The following EPYC variants were observed in gnomAD, a reference collection of about 807,000 sequenced individuals.
EPYC encodes the protein epiphycan.
Under a neutral mutation model 30.1 loss-of-function variants are expected in EPYC, and 28 were observed. That is an observed-to-expected ratio of 0.93 (90% CI 0.69 to 1.28). EPYC has a LOEUF of 1.28. Among genes scored for constraint, EPYC ranks in the 50% most tolerant of loss-of-function variants. EPYC has a pLI of 0.00. For missense variants in EPYC, 382 were observed against 383.5 expected (o/e 1.00, Z 0.03); for synonymous variants, 144 against 141.4 (o/e 1.02, Z -0.13).
At chr12:90,973,056 C>T in intron 3 of EPYC, 76 bp from the exon 4 acceptor site, 4 of 1,045,878 alleles carry the variant, frequency 3.8e-6, no homozygotes, top group Non-Finnish European at 5.5e-6. Flanking sequence ...ATGTTTGATA[C>T]ACAAGATTAG....
At position 91,004,941 on chromosome 12, in the gene EPYC, A is replaced by G. The variant is rs181651303; in HGVS notation, c.-14+6T>C. On this transcript the variant is annotated splice_donor_region_variant and intron_variant, in intron 1 of 6. Transcript: ENST00000261172. ...ACCCAAGAAGAAAGCAAGTATAAAAACTTACCTTTGGCTCTGACCTGATGA... is the reference window on the plus strand; with the variant it reads ...ACCCAAGAAGAAAGCAAGTATAAAAGCTTACCTTTGGCTCTGACCTGATGA... 6.6e-6 allele frequency: 1 copy of G among 152,176 alleles called. No individual in the cohort carries two copies. Among genetic ancestry groups the G allele is most frequent in the East Asian group, 1.9e-4 (1 of 5,158 alleles). The allele number at this position is 152,176 out of a possible 1,614,324, so 9.4% of individuals were successfully genotyped here.
intron 2 of EPYC, among the ~76,000 whole-genome samples, chr12:91,002,146 C>A (rs982673905): frequency 8.0e-6 from 1 of 125,590 alleles, no homozygotes; most frequent in Non-Finnish European, 1.6e-5. Context: ...GCCAAGACTG[C>A]GACACTGCAT....
intron 3 of EPYC, 123 bp from the exon 4 acceptor site, chr12:90,973,103 G>T: frequency 1.9e-6 from 1 of 513,656 alleles, no homozygotes; most frequent in Non-Finnish European, 3.2e-6. Flanking sequence ...ATATTTTCTC[G>T]TAATGCTTTC....
At chr12:90,994,893 T>C (rs1877663743) in intron 2 of EPYC, among the ~76,000 whole-genome samples, 1 of 152,150 alleles carries the variant, frequency 6.6e-6, no homozygotes, top group Non-Finnish European at 1.5e-5. Context: ...TTTATCTGTC[T>C]CTCAATTTGT....
chr12:90,979,137 C>A (rs1014082058), intron 2 of EPYC, among the ~76,000 whole-genome samples: 1 of 152,030 alleles, frequency 6.6e-6, no homozygotes, highest in African/African-American at 2.4e-5. Flanking sequence ...TTTCAGATTT[C>A]TTCCCTTGTC....
chr12:90,981,698 GC>G (rs1196307180), intron 2 of EPYC, among the ~76,000 whole-genome samples: 1 of 152,018 alleles, frequency 6.6e-6, no homozygotes, highest in African/African-American at 2.4e-5. Context: ...TTCAGAAACA[GC>G]AATCACACAT....
intron 2 of EPYC, among the ~76,000 whole-genome samples, chr12:90,987,173 G>T (rs552293428): frequency 6.6e-6 from 1 of 152,030 alleles, no homozygotes; most frequent in South Asian, 2.1e-4. Context: ...AATTCAAAGG[G>T]TATCAACCTA....
intron 6 of EPYC, among the ~76,000 whole-genome samples, chr12:90,964,951 T>G (rs1445456088): frequency 6.6e-6 from 1 of 152,170 alleles, no homozygotes; most frequent in African/African-American, 2.4e-5. Flanking sequence ...TTATAGTGTA[T>G]TAACAGAGCT....
At chr12:90,968,805 G>C (rs1051224477) in intron 6 of EPYC, among the ~76,000 whole-genome samples, 2 of 151,830 alleles carry the variant, frequency 1.3e-5, no homozygotes, top group African/African-American at 4.8e-5. Context: ...AAATCTCTAA[G>C]TACTCCCTTG....
In EPYC at chr12:91,002,462, G is replaced by T. The variant is rs754678360; in HGVS notation, c.104C>A (p.Ala35Asp). Residue 35 changes from alanine to aspartate, a missense_variant, in exon 2 of 7, where the codon GCC becomes GAC. Transcript: ENST00000261172. ...SINYDSETYD[A>D]TLEDLDNLYN... ...CAAATTATCCAGGTCTTCTAAGGTG[G>T]CATCATAGGTTTCTGAGTCATAGTT... The T allele has an allele frequency of 6.8e-6, 11 of 1,613,112 alleles. No homozygotes were observed. The highest frequency in any genetic ancestry group is 9.3e-6 in the Non-Finnish European group (11 of 1,179,542).
rs201424105 is a variant in EPYC at position 90,969,931 on chromosome 12, A to G, written c.798+113T>C. ...AAATGAGAAAAGAGAAAAAGAAGAA[A>G]AGTTATCACAGTGTGTCAACATGCC... On this transcript the variant is annotated intron_variant, in intron 6 of 6. Coordinates refer to ENST00000261172, the MANE Select transcript of EPYC (RefSeq NM_004950.5). 20 of 729,106 alleles carry G rather than the reference A, an allele frequency of 2.7e-5. No homozygotes were observed. The East Asian group carries it at 4.9e-4, about 18-fold the overall frequency. The allele number at this position is 729,106 out of a possible 1,614,324, so 45.2% of individuals were successfully genotyped here.
intron 5 of EPYC, 73 bp downstream of exon 5, chr12:90,971,727 G>A (rs886074515): frequency 1.7e-5 from 10 of 581,000 alleles, no homozygotes; most frequent in African/African-American, 1.4e-4. Context: ...TTCCCTACAC[G>A]AATAAAAAAG....
At position 90,972,877 on chromosome 12, in the gene EPYC, G is replaced by T; in HGVS notation, c.444C>A (p.Phe148Leu). 6.2e-7 allele frequency: 1 copy of T among 1,613,726 alleles called. No individual in the cohort carries two copies. Among genetic ancestry groups the T allele is most frequent in the Non-Finnish European group, 8.5e-7 (1 of 1,179,730 alleles). The change falls in exon 4 of 7, where the codon TTC becomes TTA. Residue 148 changes from phenylalanine (F) to leucine (L), a missense_variant. Phe to Leu is a conservative substitution (Grantham distance 22). Coordinates refer to ENST00000261172, the MANE Select transcript of EPYC (RefSeq NM_004950.5). ...TTTTAATTCTGTTAAAGCGGGAATA[G>T]AAATAAGCGGTGTTCTTTGGCAGCG... Reference protein sequence around the residue: ...IPPLPKNTAYFYSRFNRIKKI... With the variant: ...IPPLPKNTAYLYSRFNRIKKI...
intron 2 of EPYC, among the ~76,000 whole-genome samples, chr12:91,001,971 G>A (rs1308242839): frequency 6.6e-6 from 1 of 151,820 alleles, no homozygotes; most frequent in Non-Finnish European, 1.5e-5. Flanking sequence ...GGTGCATCAC[G>A]AGGTCAAGAG....
chr12:90,988,397 GTTA>G (rs1481929286), intron 2 of EPYC, among the ~76,000 whole-genome samples: 4 of 152,166 alleles, frequency 2.6e-5, no homozygotes. Context: ...GGAATGGTTT[GTTA>G]TTATGGTCAG....
intron 2 of EPYC, among the ~76,000 whole-genome samples, chr12:90,999,775 TAC>T (rs1375181332): frequency 5.3e-5 from 8 of 152,092 alleles, no homozygotes; most frequent in African/African-American, 1.9e-4. Context: ...ATCTTTACTT[TAC>T]ATCACCCCAT....
At chr12:90,969,736 T>C (rs1201504515) in intron 6 of EPYC, among the ~76,000 whole-genome samples, 1 of 152,152 alleles carries the variant, frequency 6.6e-6, no homozygotes, top group Non-Finnish European at 1.5e-5. Context: ...TTCATTTTCT[T>C]CAACACGTGA....
chr12:90,995,492 G>A lies in EPYC; in HGVS notation c.165+6909C>T, dbSNP rs577352261. Among the ~76,000 whole-genome samples the A allele has an allele frequency of 5.7e-4, 87 of 151,882 alleles. 1 individual carries two copies. Among genetic ancestry groups the A allele is most frequent in the Non-Finnish European group, 1.1e-3 (74 of 67,906 alleles). On this transcript the variant is annotated intron_variant, in intron 2 of 6. Transcript: ENST00000261172. ...AAGAATGGGGGCTTTTAGGGGCAAA[G>A]TCTCTCTCCTTTAGCATTAAAAGAC...
intron 2 of EPYC, among the ~76,000 whole-genome samples, chr12:90,995,120 T>C (rs1240998347): frequency 6.6e-6 from 1 of 152,140 alleles, no homozygotes; most frequent in Non-Finnish European, 1.5e-5. Context: ...TTCCGTGATC[T>C]ACATTAATTA....
Sources: allele counts gnomAD v4.1 joint callset (sites outside exome capture counted in the v4.1 genomes callset), GRCh38; gene constraint gnomAD v4.1.1; transcripts MANE v1.5; gene names NCBI Gene and HGNC (gene_info 2026-07-23, HGNC 2026-07-21).